Variants in TENM2 observed in about 807,000 individuals in gnomAD.
TENM2 encodes teneurin transmembrane protein 2.
In TENM2, 52 loss-of-function variants were observed where a neutral mutation model predicts 245.2. That is an observed-to-expected ratio of 0.21 (90% CI 0.17 to 0.27). The LOEUF (loss-of-function observed/expected upper bound fraction) is 0.27, where lower values mean the gene tolerates loss of function less well. TENM2 is among the 10% of genes least tolerant of loss of function. TENM2 has a pLI of 1.00. For missense variants in TENM2, 3,046 were observed against 3,666.8 expected, an observed-to-expected ratio of 0.83 and a Z score of 4.37; for synonymous variants, 1,363 against 1,438.9, an observed-to-expected ratio of 0.95 and a Z score of 1.19.
intron 2 of TENM2, among the ~76,000 whole-genome samples, chr5:167,490,344 TATA>T (rs1768351204): frequency 6.6e-6 from 1 of 152,194 alleles, no homozygotes; most frequent in African/African-American, 2.4e-5. Flanking sequence ...TAACATCTTA[TATA>T]ATCTTTGTAC....
At chr5:167,958,322 A>C (rs1780723028) in intron 4 of TENM2, among the ~76,000 whole-genome samples, 1 of 151,856 alleles carries the variant, frequency 6.6e-6, no homozygotes, top group Non-Finnish European at 1.5e-5. Context: ...TTTGCTTTCC[A>C]TTTGCTTGGT....
In TENM2 at chr5:168,053,511, C is replaced by T. The variant is rs372123161; in HGVS notation, c.1309+5962C>T. On this transcript the variant is annotated intron_variant, in intron 6 of 28. Transcript: ENST00000518659. ...CTGATATGTTGGCCCTTCATACCCACGGGTATCCACAGATTCAACCAACCT... is the reference window on the plus strand; with the variant it reads ...CTGATATGTTGGCCCTTCATACCCATGGGTATCCACAGATTCAACCAACCT... Among the ~76,000 whole-genome samples the T allele has an allele frequency of 2.1e-4, 32 of 152,168 alleles. 1 individual carries two copies. In the East Asian group the frequency reaches 4.2e-3, roughly 20 times the overall value.
chr5:167,587,367 T>C (rs1178030748), intron 2 of TENM2, among the ~76,000 whole-genome samples: 5 of 152,202 alleles, frequency 3.3e-5, no homozygotes, highest in African/African-American at 1.2e-4. Flanking sequence ...CCGCTTGTTG[T>C]GAAACAGCCT....
intron 3 of TENM2, among the ~76,000 whole-genome samples, chr5:167,903,644 G>A (rs1399224617): frequency 3.9e-5 from 6 of 152,210 alleles, no homozygotes; most frequent in Non-Finnish European, 7.3e-5. Context: ...GAGAAAATGT[G>A]TGCAGCTCCA....
chr5:168,036,516 A>G (rs1050847448), intron 5 of TENM2, among the ~76,000 whole-genome samples: 4 of 151,710 alleles, frequency 2.6e-5, no homozygotes, highest in African/African-American at 9.7e-5. Flanking sequence ...GGTGCCTGTA[A>G]TCCCAGCTAC....
intron 2 of TENM2, among the ~76,000 whole-genome samples, chr5:167,449,184 G>C (rs1034875604): frequency 6.6e-6 from 1 of 152,076 alleles, no homozygotes; most frequent in Non-Finnish European, 1.5e-5. Flanking sequence ...CTTTTCCTGC[G>C]GTACTTAGCA....
At chr5:167,732,270 G>A (rs1468851226) in intron 2 of TENM2, among the ~76,000 whole-genome samples, 1 of 152,156 alleles carries the variant, frequency 6.6e-6, no homozygotes, top group African/African-American at 2.4e-5. Flanking sequence ...TACTGTGTTT[G>A]TGCTTATTTT....
the TENM2 span, among the ~76,000 whole-genome samples, chr5:167,017,540 G>A: frequency 6.6e-6 from 1 of 152,090 alleles, no homozygotes; most frequent in African/African-American, 2.4e-5. Context: ...CAATAAATGG[G>A]GTGGGCCATG....
intron 2 of TENM2, among the ~76,000 whole-genome samples, chr5:167,793,321 G>T (rs1191112971): frequency 6.6e-6 from 1 of 151,944 alleles, no homozygotes; most frequent in African/African-American, 2.4e-5. Context: ...ATAGCTTCAT[G>T]GGATGGAAGA....
At chr5:167,598,899 A>G (rs143646705) in intron 2 of TENM2, among the ~76,000 whole-genome samples, 120 of 152,298 alleles carry the variant, frequency 7.9e-4, no homozygotes, top group Admixed American at 1.8e-3. Context: ...CCATCACGAA[A>G]GTTCTTACAT....
intron 21 of TENM2, among the ~76,000 whole-genome samples, chr5:168,215,694 A>T (rs1333893961): frequency 6.6e-6 from 1 of 152,206 alleles, no homozygotes; most frequent in African/African-American, 2.4e-5. Context: ...AACCTTATTT[A>T]TTTATTTGAA....
In TENM2 at chr5:168,197,959, G is replaced by A. The variant is rs1378493433; in HGVS notation, c.2901-894G>A. The stretch of plus-strand genomic sequence containing the variant: ...AATGAGCTCCTCTCTGTGTCCTAAC[G>A]TAGTATCGTTATAATTACACTATTT... On this transcript the variant is annotated intron_variant, in intron 15 of 28. Coordinates refer to ENST00000518659, the Ensembl canonical transcript of TENM2. Among the ~76,000 whole-genome samples the A allele has an allele frequency of 3.9e-5, 6 of 152,254 alleles. No homozygotes were observed. In the East Asian group the frequency reaches 5.8e-4, roughly 15 times the overall value.
the TENM2 span, among the ~76,000 whole-genome samples, chr5:167,124,143 G>A: frequency 5.3e-5 from 8 of 151,960 alleles, no homozygotes; most frequent in African/African-American, 1.9e-4. Context: ...ACTTTTTTGC[G>A]GGACTTCAGA....
At chr5:167,947,189 C>G (rs961016475) in intron 3 of TENM2, among the ~76,000 whole-genome samples, 2 of 152,100 alleles carry the variant, frequency 1.3e-5, no homozygotes, top group African/African-American at 2.4e-5. Flanking sequence ...AAGTTGGGCC[C>G]ACAGTGCCCT....
chr5:167,613,406 G>T (rs1253144755), intron 2 of TENM2, among the ~76,000 whole-genome samples: 2 of 152,136 alleles, frequency 1.3e-5, no homozygotes, highest in South Asian at 2.1e-4. Flanking sequence ...CCAGTATCTT[G>T]CTCGTTTACC....
the TENM2 span, among the ~76,000 whole-genome samples, chr5:167,241,137 A>T: frequency 6.6e-6 from 1 of 152,178 alleles, no homozygotes; most frequent in Non-Finnish European, 1.5e-5. Context: ...TTCACACCCC[A>T]AACCTGATAT....
chr5:168,166,279 A>G (rs1011239214), intron 13 of TENM2, among the ~76,000 whole-genome samples: 2 of 152,206 alleles, frequency 1.3e-5, no homozygotes, highest in Non-Finnish European at 2.9e-5. Flanking sequence ...TGAACGAGCA[A>G]AATAATAGAG....
At chr5:167,769,744 G>T (rs1763278066) in intron 2 of TENM2, among the ~76,000 whole-genome samples, 1 of 152,086 alleles carries the variant, frequency 6.6e-6, no homozygotes, top group South Asian at 2.1e-4. Flanking sequence ...TTAGTCACTG[G>T]ACTTGCAGAG....
chr5:167,623,169 T>A (rs1312062301), intron 2 of TENM2, among the ~76,000 whole-genome samples: 4 of 152,084 alleles, frequency 2.6e-5, no homozygotes, highest in Non-Finnish European at 5.9e-5. Context: ...CAAGGCCAAC[T>A]GCTTTGAATG....
Sources: allele counts gnomAD v4.1 joint callset (sites outside exome capture counted in the v4.1 genomes callset), GRCh38; gene constraint gnomAD v4.1.1; transcripts MANE v1.5; gene names NCBI Gene and HGNC (gene_info 2026-07-23, HGNC 2026-07-21).